CDK7: variants seen among roughly 807,000 people sequenced by gnomAD.
CDK7 encodes cyclin dependent kinase 7, also known as cyclin-dependent kinase 7.
CDK7 carries 25 observed loss-of-function variants against 49.1 expected under a neutral mutation model. The observed-to-expected ratio is 0.51, with a 90% CI of 0.37 to 0.71. CDK7 has a LOEUF of 0.71. Among genes scored for constraint, CDK7 ranks in the 30% least tolerant of loss-of-function variants. The pLI is 0.00. For synonymous variants in CDK7, 107 were observed against 140.0 expected (o/e 0.76, Z 1.67); for missense variants, 316 against 411.7 (o/e 0.77, Z 2.01).
At chr5:69,252,072 A>G (rs550954916) in intron 2 of CDK7, among the ~76,000 whole-genome samples, 36 of 152,258 alleles carry the variant, frequency 2.4e-4, no homozygotes, top group African/African-American at 8.4e-4. Flanking sequence ...CTTTCCTCCC[A>G]AGTAGCCTAA....
chr5:69,240,046 C>G (rs1749265743), intron 2 of CDK7, among the ~76,000 whole-genome samples: 2 of 152,010 alleles, frequency 1.3e-5, no homozygotes, highest in African/African-American at 4.8e-5. Flanking sequence ...TGTCCCAGTA[C>G]TATTAATAGT....
chr5:69,270,978 G>C (rs1218263354), intron 9 of CDK7, among the ~76,000 whole-genome samples: 1 of 152,054 alleles, frequency 6.6e-6, no homozygotes, highest in African/African-American at 2.4e-5. Context: ...TTATTTCTCT[G>C]GGATAAATGC....
chr5:69,235,286 C>T, intron 1 of CDK7, 108 bp from the exon 2 acceptor site: 1 of 894,674 alleles, frequency 1.1e-6, no homozygotes, highest in Non-Finnish European at 1.8e-6. Context: ...CCAGCCGCCG[C>T]GAGTCTGCTC....
chr5:69,240,630 T>C (rs564675942), intron 2 of CDK7, among the ~76,000 whole-genome samples: 1 of 152,326 alleles, frequency 6.6e-6, no homozygotes, highest in South Asian at 2.1e-4. Context: ...CAACTGTTCT[T>C]AGCTCCTTCC....
At chr5:69,266,725 C>A (rs1316781476) in intron 8 of CDK7, among the ~76,000 whole-genome samples, 4 of 148,956 alleles carry the variant, frequency 2.7e-5, no homozygotes, top group Non-Finnish European at 3.0e-5. Flanking sequence ...AAAAAAGGAA[C>A]CGATGGATAT....
chr5:69,260,477 T>C (rs1478921073), intron 7 of CDK7, among the ~76,000 whole-genome samples: 1 of 152,250 alleles, frequency 6.6e-6, no homozygotes, highest in East Asian at 1.9e-4. Context: ...ATTTACCTTG[T>C]AAATGGGAAC....
At chr5:69,266,708 G>GAA (rs373240031) in intron 8 of CDK7, among the ~76,000 whole-genome samples, 20,834 of 141,272 alleles carry the variant, frequency 0.15, 1,512 homozygotes, top group African/African-American at 0.18. Context: ...TGGCTTCCAG[G>GAA]AAAAAAAAAA....
At chr5:69,256,536 T>C (rs956475793) in intron 5 of CDK7, among the ~76,000 whole-genome samples, 2 of 151,644 alleles carry the variant, frequency 1.3e-5, no homozygotes, top group Non-Finnish European at 2.9e-5. Context: ...AGATGGGGTT[T>C]CACTATGTTG....
chr5:69,274,906 C>T (rs979603361), intron 10 of CDK7, among the ~76,000 whole-genome samples: 1 of 152,014 alleles, frequency 6.6e-6, no homozygotes, highest in African/African-American at 2.4e-5. Flanking sequence ...ATGAGCCACC[C>T]CGCCCTGCCA....
intron 6 of CDK7, among the ~76,000 whole-genome samples, 167 bp from the exon 7 acceptor site, chr5:69,259,651 C>T (rs1750694361): frequency 6.6e-6 from 1 of 152,036 alleles, no homozygotes; most frequent in Admixed American, 6.6e-5. Context: ...TATAACCAAT[C>T]CAATTTTGCT....
chr5:69,234,951 C>G lies in CDK7; in HGVS notation c.-25C>G. On this transcript the variant is annotated 5_prime_UTR_variant, in exon 1 of 12. Transcript: ENST00000256443. ...TGTCCTGGGAGCTCGCCCTTTTCGG[C>G]TGGAGTCGGGCTTTACGGCGCCGGA... 1 of 1,580,116 alleles carries G rather than the reference C, an allele frequency of 6.3e-7. No homozygotes were observed. Among genetic ancestry groups the G allele is most frequent in the Non-Finnish European group, 8.6e-7 (1 of 1,162,800 alleles).
intron 8 of CDK7, among the ~76,000 whole-genome samples, chr5:69,268,304 C>T (rs748970198): frequency 2.6e-5 from 4 of 152,168 alleles, no homozygotes; most frequent in Non-Finnish European, 4.4e-5. Flanking sequence ...TTACCACCTC[C>T]ACCTAAGGGG....
At chr5:69,247,461 G>A (rs1749827909) in intron 2 of CDK7, among the ~76,000 whole-genome samples, 1 of 149,220 alleles carries the variant, frequency 6.7e-6, no homozygotes, top group Non-Finnish European at 1.5e-5. Context: ...GTCTGTGTGT[G>A]TCTGTATAGT....
At chr5:69,262,384 C>T in intron 8 of CDK7, 80 bp downstream of exon 8, 1 of 1,589,182 alleles carries the variant, frequency 6.3e-7, no homozygotes, top group Non-Finnish European at 8.6e-7. Context: ...AATTCTTGTC[C>T]TAGGCCAGGC....
Position 69,270,021 on chromosome 5 carries a change from C to T in CDK7, c.714+728C>T, listed in dbSNP as rs1297509782. Among the ~76,000 whole-genome samples, 22 of 140,868 alleles carry T rather than the reference C, an allele frequency of 1.6e-4. No individual in the cohort carries two copies. In the Admixed American group the frequency reaches 1.6e-3, roughly 10 times the overall value. The allele number at this position is 140,868 out of a possible 152,430, so 92.4% of individuals were successfully genotyped here. On this transcript the variant is annotated intron_variant, in intron 9 of 11. Transcript: ENST00000256443. The stretch of plus-strand genomic sequence containing the variant: ...CTGAGGCGGGCAGATCATTTGAGGC[C>T]AGGAGTTTGAGACCAGCCTGGGCTA...
intron 10 of CDK7, among the ~76,000 whole-genome samples, chr5:69,275,021 G>A (rs1751967846): frequency 1.4e-5 from 2 of 147,222 alleles, no homozygotes; most frequent in African/African-American, 2.5e-5. Context: ...CCAAGATTGT[G>A]CCACTGCACT....
chr5:69,235,998 T>C (rs1035137212), intron 2 of CDK7, among the ~76,000 whole-genome samples: 3 of 152,202 alleles, frequency 2.0e-5, no homozygotes, highest in Admixed American at 1.3e-4. Flanking sequence ...CCCAGCACTT[T>C]GGGAGGCCGA....
At chr5:69,251,868 G>T (rs1750168584) in intron 2 of CDK7, among the ~76,000 whole-genome samples, 1 of 152,192 alleles carries the variant, frequency 6.6e-6, no homozygotes, top group Admixed American at 6.5e-5. Flanking sequence ...TTTCTAAAAA[G>T]CAGTGAGAGA....
At chr5:69,235,266 C>A in intron 1 of CDK7, 128 bp from the exon 2 acceptor site, 2 of 811,496 alleles carry the variant, frequency 2.5e-6, no homozygotes, top group Non-Finnish European at 4.2e-6. Context: ...GAGACTGACC[C>A]GCCACGTTTC....
Sources: allele counts gnomAD v4.1 joint callset (sites outside exome capture counted in the v4.1 genomes callset), GRCh38; gene constraint gnomAD v4.1.1; transcripts MANE v1.5; gene names NCBI Gene and HGNC (gene_info 2026-07-23, HGNC 2026-07-21).